Variants in PRKG2 observed in about 807,000 individuals in gnomAD.
PRKG2 encodes the protein cGMP-dependent protein kinase 2.
A neutral mutation model predicts 97.2 loss-of-function variants in PRKG2; 33 were observed. That is an observed-to-expected ratio of 0.34 (90% CI 0.26 to 0.45). PRKG2 has a LOEUF of 0.45. Among genes scored for constraint, PRKG2 ranks in the 20% least tolerant of loss-of-function variants. The probability of loss-of-function intolerance (pLI) is 1.00; values close to 1 mark genes in which losing one functional copy is unlikely to be tolerated. For synonymous variants in PRKG2, 330 were observed against 321.8 expected (o/e 1.03, Z -0.27); for missense variants, 638 against 900.0 (o/e 0.71, Z 3.73).
intron 6 of PRKG2, among the ~76,000 whole-genome samples, chr4:81,157,213 A>C (rs1477965619): frequency 6.6e-6 from 1 of 152,168 alleles, no homozygotes; most frequent in African/African-American, 2.4e-5. Flanking sequence ...AGAGAGAAGA[A>C]TCAAATAGAT....
Position 81,142,949 on chromosome 4 carries a change from T to G in PRKG2, c.1254-2A>C. On this transcript the variant is annotated splice_acceptor_variant, in intron 10 of 18. Coordinates refer to ENST00000264399, the MANE Select transcript of PRKG2 (RefSeq NM_006259.3). LOFTEE classifies it high-confidence loss of function. ...AGCTTCCAGTTAGACATGGACCGCCTGTACAAGAGAAGTGAAACTTTACAC... is the reference window on the plus strand; with the variant it reads ...AGCTTCCAGTTAGACATGGACCGCCGGTACAAGAGAAGTGAAACTTTACAC... The G allele has an allele frequency of 6.3e-7, 1 of 1,599,998 alleles. No individual in the cohort carries two copies. The highest frequency in any genetic ancestry group is 8.5e-7 in the Non-Finnish European group (1 of 1,171,264).
chr4:81,191,947 T>C (rs757799051), intron 2 of PRKG2, among the ~76,000 whole-genome samples: 2 of 152,212 alleles, frequency 1.3e-5, no homozygotes, highest in African/African-American at 2.4e-5. Context: ...TTGGATATAA[T>C]GTACTACCCA....
intron 1 of PRKG2, among the ~76,000 whole-genome samples, chr4:81,213,505 G>A (rs1754113891): frequency 6.6e-6 from 1 of 152,120 alleles, no homozygotes; most frequent in Non-Finnish European, 1.5e-5. Flanking sequence ...GAAAAGTGCT[G>A]AATCTGATTT....
At position 81,207,351 on chromosome 4, in the gene PRKG2, G is replaced by C. The variant is rs779743500; in HGVS notation, c.-13-2291C>G. On this transcript the variant is annotated intron_variant, in intron 1 of 18. Transcript: ENST00000264399. ...GGAGATGTGATGGTAGGAGGAAAAG[G>C]ATTTGCCTTATAAATAAAAAAGCAC... 5.9e-5 allele frequency among the ~76,000 whole-genome samples: 9 copies of C among 152,216 alleles called. No individual in the cohort carries two copies. The South Asian group carries it at 1.2e-3, about 21-fold the overall frequency.
Position 81,204,791 on chromosome 4 carries a change from A to G in PRKG2, c.257T>C (p.Val86Ala), listed in dbSNP as rs1193625346. The G allele has an allele frequency of 6.2e-7, 1 of 1,614,138 alleles. No homozygotes were observed. Among genetic ancestry groups the G allele is most frequent in the African/African-American group, 1.3e-5 (1 of 75,034 alleles). Residue 86 changes from valine to alanine, a missense_variant, in exon 2 of 19, where the codon GTG becomes GCG. Coordinates refer to ENST00000264399, the MANE Select transcript of PRKG2 (RefSeq NM_006259.3). ...CIQLNKLQDV[V>A]HMQGGSPLQA... is the part of the protein sequence containing the mutation. ...AAGCGGGCTTCCTCCCTGCATATGCACCACATCCTGCAGCTTGTTCAGCTG... is the reference window on the plus strand; with the variant it reads ...AAGCGGGCTTCCTCCCTGCATATGCGCCACATCCTGCAGCTTGTTCAGCTG...
At chr4:81,147,353 T>C (rs1747955011) in intron 9 of PRKG2, among the ~76,000 whole-genome samples, 1 of 152,174 alleles carries the variant, frequency 6.6e-6, no homozygotes, top group Non-Finnish European at 1.5e-5. Flanking sequence ...GGAACATATA[T>C]AGAAAACAAT....
chr4:81,153,756 G>T, intron 6 of PRKG2, 35 bp from the exon 7 acceptor site: 1 of 1,515,210 alleles, frequency 6.6e-7, no homozygotes, highest in Non-Finnish European at 9.2e-7. Context: ...ATGTAAGAGC[G>T]GGTGGAGCCA....
chr4:81,128,977 C>T (rs1220653635), intron 14 of PRKG2, among the ~76,000 whole-genome samples: 1 of 152,038 alleles, frequency 6.6e-6, no homozygotes, highest in Non-Finnish European at 1.5e-5. Flanking sequence ...TATAAATTTC[C>T]CTCTTTAGCT....
At chr4:81,181,833 G>A (rs966559439) in intron 2 of PRKG2, among the ~76,000 whole-genome samples, 3 of 151,736 alleles carry the variant, frequency 2.0e-5, no homozygotes, top group African/African-American at 7.3e-5. Flanking sequence ...TTTTTAAAAT[G>A]ACATCATTTA....
rs770590512 is a variant in PRKG2 at position 81,089,853 on chromosome 4, T to A, written c.2194-50A>T. The A allele has an allele frequency of 2.1e-6, 3 of 1,423,856 alleles. No homozygotes were observed. The Admixed American group carries it at 5.1e-5, about 24-fold the overall frequency. The allele number at this position is 1,423,856 out of a possible 1,614,324, so 88.2% of individuals were successfully genotyped here. A position where few individuals can be genotyped will look rare whatever the true frequency, so the allele number is the denominator to read the frequency against. ...AAGGAAGAATAATGTTGACCAAGCA[T>A]GCTATCACATATGGGTAATGTTTTT... On this transcript the variant is annotated intron_variant, in intron 18 of 18. Transcript: ENST00000264399.
At chr4:81,144,953 C>T (rs1160101166) in intron 9 of PRKG2, among the ~76,000 whole-genome samples, 1 of 152,020 alleles carries the variant, frequency 6.6e-6, no homozygotes, top group Non-Finnish European at 1.5e-5. Flanking sequence ...TTTTTTATGG[C>T]TGCACAGTAT....
chr4:81,099,153 C>G (rs1157359233), intron 17 of PRKG2, among the ~76,000 whole-genome samples: 1 of 152,060 alleles, frequency 6.6e-6, no homozygotes, highest in Non-Finnish European at 1.5e-5. Context: ...CACAAGATAG[C>G]AGAGCTCTGT....
At chr4:81,165,820 C>T (rs972218059) in intron 6 of PRKG2, among the ~76,000 whole-genome samples, 1 of 151,940 alleles carries the variant, frequency 6.6e-6, no homozygotes, top group Non-Finnish European at 1.5e-5. Context: ...TCTAATTTAC[C>T]ATTTATTTTT....
chr4:81,211,184 T>C (rs1753953787), intron 1 of PRKG2, among the ~76,000 whole-genome samples: 1 of 152,144 alleles, frequency 6.6e-6, no homozygotes, highest in Non-Finnish European at 1.5e-5. Context: ...CAATGTAAAC[T>C]ATGGACTTTA....
At chr4:81,099,297 G>C (rs1385373825) in intron 17 of PRKG2, among the ~76,000 whole-genome samples, 1 of 152,020 alleles carries the variant, frequency 6.6e-6, no homozygotes, top group Non-Finnish European at 1.5e-5. Context: ...GATGAACATT[G>C]ATGCAAAAAT....
intron 2 of PRKG2, among the ~76,000 whole-genome samples, chr4:81,189,699 C>T (rs1205475886): frequency 6.6e-6 from 1 of 151,666 alleles, no homozygotes; most frequent in South Asian, 2.1e-4. Context: ...CAGCCTGGCA[C>T]ATGTATACAT....
At chr4:81,156,757 G>A (rs1749134832) in intron 6 of PRKG2, among the ~76,000 whole-genome samples, 1 of 152,152 alleles carries the variant, frequency 6.6e-6, no homozygotes, top group Non-Finnish European at 1.5e-5. Flanking sequence ...AATCAAACTA[G>A]AACTCAGGAT....
chr4:81,204,940 C>T lies in PRKG2; in HGVS notation c.108G>A (p.Glu36=), dbSNP rs1417838281. The T allele has an allele frequency of 1.2e-5, 20 of 1,614,070 alleles. No individual in the cohort carries two copies. In the Admixed American group the frequency reaches 3.2e-4, roughly 26 times the overall value. ...LRNKVTELER[E]LRRKDAEIQE... ...GGATCTCAGCATCCTTCCTCCTCAACTCTCTCTCCAGCTCTGTCACCTTGT... is the reference window on the plus strand; with the variant it reads ...GGATCTCAGCATCCTTCCTCCTCAATTCTCTCTCCAGCTCTGTCACCTTGT... The change falls in exon 2 of 19, where the codon GAG becomes GAA. Residue 36 remains glutamate, a synonymous_variant. Transcript: ENST00000264399.
chr4:81,148,948 CA>C lies in PRKG2; in HGVS notation c.1089del (p.Asp363GlufsTer20). The C allele has an allele frequency of 1.2e-6, 2 of 1,613,580 alleles. No individual in the cohort carries two copies. The highest frequency in any genetic ancestry group is 1.7e-6 in the Non-Finnish European group (2 of 1,179,566). On this transcript the variant is annotated frameshift_variant, in exon 9 of 19. Coordinates refer to ENST00000264399, the MANE Select transcript of PRKG2 (RefSeq NM_006259.3). LOFTEE classifies it high-confidence loss of function. ...GCAATAATGTTAGCTGACCTGACAT[CA>C]TCACTGCAAACAAAAATAGGAAAGT... ...EYFGEKALISDDVRSANIIAE... is the reference protein window; with the variant it reads ...EYFGEKALISXDVRSANIIAE...
Sources: gnomAD v4.1 joint callset for allele counts (sites outside exome capture counted in the v4.1 genomes callset) on GRCh38, gnomAD v4.1.1 for gene constraint, MANE v1.5 for transcripts, NCBI Gene and HGNC (gene_info 2026-07-23, HGNC 2026-07-21) for gene names.